Variants in WDR33 observed in about 807,000 individuals in gnomAD.
The protein encoded by WDR33 is pre-mRNA 3' end processing protein WDR33.
A neutral mutation model predicts 164.9 loss-of-function variants in WDR33; 47 were observed. The observed-to-expected ratio is 0.29, with a 90% CI of 0.23 to 0.36. The LOEUF (loss-of-function observed/expected upper bound fraction) is 0.36. Among genes scored for constraint, WDR33 ranks in the 10% least tolerant of loss-of-function variants. The pLI, the probability that WDR33 is intolerant of heterozygous loss-of-function variation, is 1.00. For synonymous variants in WDR33, 505 were observed against 589.0 expected, an observed-to-expected ratio of 0.86 and a Z score of 2.06; for missense variants, 1,137 against 1,754.1, an observed-to-expected ratio of 0.65 and a Z score of 6.28.
In WDR33 at chr2:127,706,849, C is replaced by A. The variant is rs1200425219; in HGVS notation, c.3782-297G>T. Among the ~76,000 whole-genome samples the A allele has an allele frequency of 2.2e-4, 33 of 152,222 alleles. No individual in the cohort carries two copies. Among genetic ancestry groups the A allele is most frequent in the Non-Finnish European group, 1.5e-5 (1 of 68,046 alleles). On this transcript the variant is annotated intron_variant, in intron 21 of 21. Coordinates refer to ENST00000322313, the MANE Select transcript of WDR33 (RefSeq NM_018383.5). The surrounding 1 kb of genome is among the most constrained non-coding windows in gnomAD (Gnocchi z 5.1). ...GGAGCACCTTCAGGGAGACCCGGGC[C>A]ACACTGGGCCATGTCCCAGGCCATG...
At chr2:127,777,122 T>C (rs980890311) in intron 1 of WDR33, among the ~76,000 whole-genome samples, 13 of 152,200 alleles carry the variant, frequency 8.5e-5, no homozygotes, top group African/African-American at 3.1e-4. Context: ...TTGAATTCAG[T>C]ATACACTAAC....
rs747153898 is a variant in WDR33 at position 127,749,268 on chromosome 2, A to G, written c.724+13794T>C. Among the ~76,000 whole-genome samples the G allele has an allele frequency of 7.5e-4, 114 of 152,218 alleles. 2 individuals carry two copies. Among genetic ancestry groups the G allele is most frequent in the Non-Finnish European group, 2.5e-4 (17 of 68,036 alleles). On this transcript the variant is annotated intron_variant, in intron 7 of 21. Coordinates refer to ENST00000322313, the MANE Select transcript of WDR33 (RefSeq NM_018383.5). ...TGGATCGCATAAGCCCAGGCAGTTG[A>G]GGCTCCAGTGAGTTGTGATCGTGCC...
At chr2:127,757,526 A>G (rs1203715281) in intron 7 of WDR33, among the ~76,000 whole-genome samples, 1 of 152,174 alleles carries the variant, frequency 6.6e-6, no homozygotes, top group East Asian at 1.9e-4. Flanking sequence ...GAATACAGGC[A>G]GCTAGCTGTA....
intron 1 of WDR33, among the ~76,000 whole-genome samples, chr2:127,804,488 C>A (rs1033949162): frequency 1.3e-5 from 2 of 151,590 alleles, no homozygotes; most frequent in Non-Finnish European, 2.9e-5. Context: ...TGTTCTTGAG[C>A]AGAGAAGTGC....
At chr2:127,793,255 A>AC (rs1316732151) in intron 1 of WDR33, among the ~76,000 whole-genome samples, 1 of 151,590 alleles carries the variant, frequency 6.6e-6, no homozygotes, top group Non-Finnish European at 1.5e-5. Flanking sequence ...ACATGGTGAA[A>AC]CCCCGTCTCC....
At chr2:127,753,402 A>T (rs1687428293) in intron 7 of WDR33, among the ~76,000 whole-genome samples, 1 of 152,252 alleles carries the variant, frequency 6.6e-6, no homozygotes, top group Non-Finnish European at 1.5e-5. Flanking sequence ...AAAAATATTC[A>T]AATGAGAAAA....
At chr2:127,752,834 G>A (rs1260231706) in intron 7 of WDR33, among the ~76,000 whole-genome samples, 1 of 152,228 alleles carries the variant, frequency 6.6e-6, no homozygotes, top group Non-Finnish European at 1.5e-5. Context: ...ACCAATGATA[G>A]CACATTGGCC....
chr2:127,722,919 A>G lies in WDR33; in HGVS notation c.1378+39T>C. 1 of 1,563,636 alleles carries G rather than the reference A, an allele frequency of 6.4e-7. No individual in the cohort carries two copies. On this transcript the variant is annotated intron_variant, in intron 13 of 21. Transcript: ENST00000322313. The surrounding 1 kb of genome is among the most constrained non-coding windows in gnomAD (Gnocchi z 5.1). ...AGGAACATAAACGGGTCAAGAAAAA[A>G]TTTGTAAAAATTAAATGTGTCTGTG...
chr2:127,765,466 G>C (rs7591477), intron 4 of WDR33, among the ~76,000 whole-genome samples, 197 bp from the exon 5 acceptor site: 11,557 of 152,120 alleles, frequency 0.076, 455 homozygotes, highest in Non-Finnish European at 0.092. Flanking sequence ...CTAGTCCTTT[G>C]GTTTATTAGC....
chr2:127,779,179 A>AAG (rs1688290423), intron 1 of WDR33, among the ~76,000 whole-genome samples: 1 of 151,504 alleles, frequency 6.6e-6, no homozygotes, highest in South Asian at 2.1e-4. Flanking sequence ...TAAAAAAAAA[A>AAG]AAAATAGGGC....
At position 127,722,651 on chromosome 2, in the gene WDR33, C is replaced by G. The variant is rs766841336; in HGVS notation, c.1458G>C (p.Gln486His). Reference protein sequence around the residue: ...WGMEEVMQKDQKKVPQKKVPY... With the variant: ...WGMEEVMQKDHKKVPQKKVPY... The stretch of plus-strand genomic sequence containing the variant: ...GAACTTTCTTCTGAGGTACTTTTTT[C>G]TGATCCTTTTGCATCACTTCCTCCA... The change falls in exon 14 of 22, where the codon CAG becomes CAC. Residue 486 changes from glutamine (Q) to histidine (H), a missense_variant. Transcript: ENST00000322313. The surrounding 1 kb of genome is among the most constrained non-coding windows in gnomAD (Gnocchi z 5.1). 1 of 1,613,990 alleles carries G rather than the reference C, an allele frequency of 6.2e-7. No homozygotes were observed. Among genetic ancestry groups the G allele is most frequent in the Non-Finnish European group, 8.5e-7 (1 of 1,179,936 alleles).
chr2:127,784,408 A>C (rs1448403254), intron 1 of WDR33, among the ~76,000 whole-genome samples: 1 of 152,172 alleles, frequency 6.6e-6, no homozygotes, highest in East Asian at 1.9e-4. Flanking sequence ...TTTTCGAGAC[A>C]GGGTCTCACT....
rs1686368200 is a variant in WDR33, at chr2:127,719,287, C to A, written c.2738G>T (p.Gly913Val). 6.9e-7 allele frequency: 1 copy of A among 1,445,910 alleles called. No homozygotes were observed. Among genetic ancestry groups the A allele is most frequent in the Non-Finnish European group, 9.1e-7 (1 of 1,097,828 alleles). 89.6% of individuals were successfully genotyped at this position (1,445,910 alleles called of 1,614,324 possible). A position where few individuals can be genotyped will look rare whatever the true frequency, so the allele number is the denominator to read the frequency against. Reference protein sequence around the residue: ...QQQKTPLLGDGPRAPFNQEGQ... With the variant: ...QQQKTPLLGDVPRAPFNQEGQ... ...TACCTGGTTGAAGGGGGCCCGGGGCCCATCACCTAGCAGAGGCGTTTTCTG... is the reference window on the plus strand; with the variant it reads ...TACCTGGTTGAAGGGGGCCCGGGGCACATCACCTAGCAGAGGCGTTTTCTG... Residue 913 changes from glycine (G) to valine (V), a missense_variant, in exon 16 of 22, where the codon GGG becomes GTG. Around this residue, in one of 9 missense-constraint regions of WDR33, gnomAD observed 867 missense variants for 1,073.0 expected, o/e 0.81. Transcript: ENST00000322313. The surrounding 1 kb of genome is among the most constrained non-coding windows in gnomAD (Gnocchi z 6.5).
intron 1 of WDR33, among the ~76,000 whole-genome samples, chr2:127,787,472 T>C (rs1345749269): frequency 1.5e-5 from 2 of 137,202 alleles, no homozygotes; most frequent in Non-Finnish European, 3.1e-5. Context: ...ACGGGGCAGC[T>C]GGCCGGGCGG....
chr2:127,772,420 CA>C (rs1688039188), intron 1 of WDR33, among the ~76,000 whole-genome samples: 1 of 149,932 alleles, frequency 6.7e-6, no homozygotes. Context: ...GCCTGGGCGA[CA>C]AGGCAAGACT....
chr2:127,704,448 G>C lies in WDR33; in HGVS notation c.*1875C>G, dbSNP rs1466215620. ...AAAAGTCTAATCTTGATATGGGTTT[G>C]GTCTCTGGATCCGGTTTTAGCTTCA... On this transcript the variant is annotated 3_prime_UTR_variant, in exon 22 of 22. Coordinates refer to ENST00000322313, the MANE Select transcript of WDR33 (RefSeq NM_018383.5). 6.0e-6 allele frequency: 1 copy of C among 166,908 alleles called. No homozygotes were observed. Among genetic ancestry groups the C allele is most frequent in the Non-Finnish European group, 1.5e-5 (1 of 68,100 alleles). The allele number at this position is 166,908 out of a possible 1,614,324, so 10.3% of individuals were successfully genotyped here.
chr2:127,786,029 T>C (rs1688552926), intron 1 of WDR33, among the ~76,000 whole-genome samples: 1 of 152,192 alleles, frequency 6.6e-6, no homozygotes, highest in Non-Finnish European at 1.5e-5. Flanking sequence ...TGTAGTATTA[T>C]CTCATTTATT....
intron 17 of WDR33, among the ~76,000 whole-genome samples, chr2:127,715,801 C>A (rs1299590836): frequency 6.6e-6 from 1 of 152,220 alleles, no homozygotes; most frequent in African/African-American, 2.4e-5. Context: ...AAACCCACCA[C>A]TACAAATTAG....
rs79044247 is a variant in WDR33 at position 127,762,870 on chromosome 2, C to T, written c.724+192G>A. On this transcript the variant is annotated intron_variant, in intron 7 of 21. Transcript: ENST00000322313. ...TTACAGCTGAAAAATTCAAAGATAACACTGGTAGTAAAAACCTACAAAATG... is the reference window on the plus strand; with the variant it reads ...TTACAGCTGAAAAATTCAAAGATAATACTGGTAGTAAAAACCTACAAAATG... The T allele has an allele frequency of 9.8e-3, 13,758 of 1,397,248 alleles. 668 individuals carry two copies. In the African/African-American group the frequency reaches 0.13, roughly 13 times the overall value. The allele number at this position is 1,397,248 out of a possible 1,614,324, so 86.6% of individuals were successfully genotyped here.
Sources: allele counts gnomAD v4.1 joint callset (sites outside exome capture counted in the v4.1 genomes callset), GRCh38; gene constraint gnomAD v4.1.1; regional missense constraint gnomAD v4.1.1; non-coding constraint Gnocchi (gnomAD v3.1); transcripts MANE v1.5; gene names NCBI Gene and HGNC (gene_info 2026-07-23, HGNC 2026-07-21).